Variants in P2RY14 observed in about 807,000 individuals in gnomAD.
The protein encoded by P2RY14 is purinergic receptor P2Y14, also known as P2Y purinoceptor 14.
In P2RY14, 2 loss-of-function variants were observed where a neutral mutation model predicts 0.9. That is an observed-to-expected ratio of 2.16 (90% CI 0.88 to 6.79). The LOEUF (loss-of-function observed/expected upper bound fraction) is 6.79, where lower values mean the gene tolerates loss of function less well. P2RY14 is among the 30% of genes most tolerant of loss of function. The pLI, the probability that P2RY14 is intolerant of heterozygous loss-of-function variation, is 0.05. For missense variants in P2RY14, 378 were observed against 400.1 expected (o/e 0.94, Z 0.47); for synonymous variants, 158 against 147.2 (o/e 1.07, Z -0.53).
At chr3:151,250,568 C>A (rs1035897778) in intron 1 of P2RY14, among the ~76,000 whole-genome samples, 2 of 152,168 alleles carry the variant, frequency 1.3e-5, no homozygotes, top group African/African-American at 4.8e-5. Flanking sequence ...AGCATAATGT[C>A]TTTAAGGTTC....
At chr3:151,230,006 G>A (rs950624695) in intron 1 of P2RY14, among the ~76,000 whole-genome samples, 1 of 152,014 alleles carries the variant, frequency 6.6e-6, no homozygotes, top group Non-Finnish European at 1.5e-5. Context: ...GTCTCGCTCT[G>A]TTGCCCAGGC....
At chr3:151,228,882 T>TGGGGCC (rs1731055657) in intron 1 of P2RY14, among the ~76,000 whole-genome samples, 1 of 152,202 alleles carries the variant, frequency 6.6e-6, no homozygotes, top group African/African-American at 2.4e-5. Context: ...TCCTATTCCC[T>TGGGGCC]GGGGCCAGGC....
chr3:151,264,103 T>TA (rs1216181372), intron 1 of P2RY14, among the ~76,000 whole-genome samples: 1 of 152,236 alleles, frequency 6.6e-6, no homozygotes, highest in African/African-American at 2.4e-5. Flanking sequence ...AAAAGAATCA[T>TA]AACCATTTTT....
intron 1 of P2RY14, among the ~76,000 whole-genome samples, chr3:151,243,913 T>C (rs1375562738): frequency 1.3e-5 from 2 of 148,380 alleles, no homozygotes; most frequent in Non-Finnish European, 3.0e-5. Context: ...AATAAAAGGA[T>C]GGAGGAAGAT....
chr3:151,255,052 G>A (rs994650250), intron 1 of P2RY14, among the ~76,000 whole-genome samples: 2 of 151,924 alleles, frequency 1.3e-5, no homozygotes, highest in African/African-American at 2.4e-5. Flanking sequence ...CATAATAAGC[G>A]AGGCCTTTGC....
chr3:151,234,853 C>G (rs1272793481), intron 1 of P2RY14, among the ~76,000 whole-genome samples: 1 of 152,182 alleles, frequency 6.6e-6, no homozygotes, highest in Non-Finnish European at 1.5e-5. Context: ...CCATCACTCT[C>G]CTGGTGGGTA....
rs375304026 is a variant in P2RY14 at position 151,247,196 on chromosome 3, T to A, written c.-132-27554A>T. Among the ~76,000 whole-genome samples, 21 of 152,150 alleles carry A rather than the reference T, an allele frequency of 1.4e-4. No homozygotes were observed. The South Asian group carries it at 3.9e-3, about 29-fold the overall frequency. ...TAAACTAGTTCAACCATTGTGGAAG[T>A]CAGTGTGGCGATTCCTCAGGGATCT... is the stretch of plus-strand genomic sequence containing the variant. On this transcript the variant is annotated intron_variant, in intron 1 of 2. Coordinates refer to ENST00000309170, the MANE Select transcript of P2RY14 (RefSeq NM_014879.4).
At chr3:151,224,020 C>T (rs1729960593) in intron 1 of P2RY14, among the ~76,000 whole-genome samples, 2 of 152,082 alleles carry the variant, frequency 1.3e-5, no homozygotes, top group South Asian at 4.1e-4. Flanking sequence ...TCAAATATGC[C>T]TAATATTACT....
chr3:151,277,296 G>A (rs535489167), intron 1 of P2RY14, among the ~76,000 whole-genome samples: 1 of 151,700 alleles, frequency 6.6e-6, no homozygotes, highest in South Asian at 2.1e-4. Flanking sequence ...ATGCATGTTT[G>A]TATATATAGT....
chr3:151,245,281 C>T (rs1269255484), intron 1 of P2RY14, among the ~76,000 whole-genome samples: 1 of 152,088 alleles, frequency 6.6e-6, no homozygotes, highest in African/African-American at 2.4e-5. Context: ...AGGCCAGCAT[C>T]ATTCTGATAC....
rs1417059256 is a variant in P2RY14, at chr3:151,212,524, G to C, written c.*776C>G. 6.6e-6 allele frequency: 1 copy of C among 152,004 alleles called. No individual in the cohort carries two copies. Among genetic ancestry groups the C allele is most frequent in the Non-Finnish European group, 1.5e-5 (1 of 68,010 alleles). 9.4% of individuals were successfully genotyped at this position (152,004 alleles called of 1,614,324 possible). A position where few individuals can be genotyped will look rare whatever the true frequency, so the allele number is the denominator to read the frequency against. On this transcript the variant is annotated 3_prime_UTR_variant, in exon 3 of 3. Coordinates refer to ENST00000309170, the MANE Select transcript of P2RY14 (RefSeq NM_014879.4). ...TATTTTTCCCATACTATTGAACAGGGGAAGTTGCTGATAACGTATGCCAAT... is the reference window on the plus strand; with the variant it reads ...TATTTTTCCCATACTATTGAACAGGCGAAGTTGCTGATAACGTATGCCAAT...
At chr3:151,253,929 T>A (rs982224720) in intron 1 of P2RY14, among the ~76,000 whole-genome samples, 1 of 151,834 alleles carries the variant, frequency 6.6e-6, no homozygotes, top group African/African-American at 2.4e-5. Flanking sequence ...CTCCACTACT[T>A]TTTTTTTCTT....
intron 1 of P2RY14, among the ~76,000 whole-genome samples, chr3:151,224,099 AT>A (rs1312620754): frequency 6.6e-6 from 1 of 151,684 alleles, no homozygotes; most frequent in Non-Finnish European, 1.5e-5. Context: ...GTTTTTGTAT[AT>A]TTAAATTATT....
chr3:151,257,811 G>C (rs114392687), intron 1 of P2RY14, among the ~76,000 whole-genome samples: 1 of 152,114 alleles, frequency 6.6e-6, no homozygotes, highest in African/African-American at 2.4e-5. Context: ...TTGTTCAAGT[G>C]TCATGTGGAC....
intron 2 of P2RY14, among the ~76,000 whole-genome samples, chr3:151,214,992 CT>C (rs1384106337): frequency 6.6e-6 from 1 of 151,994 alleles, no homozygotes; most frequent in Non-Finnish European, 1.5e-5. Context: ...ACGGACCTTA[CT>C]TTTAGAAAAG....
rs775758883 is a variant in P2RY14, at chr3:151,213,377, A to G, written c.940T>C (p.Leu314=). Residue 314 remains leucine (L), a synonymous_variant, in exon 3 of 3, where the codon TTA becomes CTA. Coordinates refer to ENST00000309170, the MANE Select transcript of P2RY14 (RefSeq NM_014879.4). ...ATGTCTAGGTCATTCTGAGCTTTTA[A>G]TGGAATGTGCAATTTCTTACATAAG... is the stretch of plus-strand genomic sequence containing the variant. ...EILCKKLHIP[L]KAQNDLDISR... 8.1e-6 allele frequency: 13 copies of G among 1,613,850 alleles called. No homozygotes were observed. The highest frequency in any genetic ancestry group is 1.1e-5 in the South Asian group (1 of 91,072).
chr3:151,260,334 T>C (rs1738623799), intron 1 of P2RY14, among the ~76,000 whole-genome samples: 2 of 152,164 alleles, frequency 1.3e-5, no homozygotes. Context: ...ACTAATATCT[T>C]TTAAAAGCCA....
chr3:151,247,765 A>G (rs1055173365), intron 1 of P2RY14, among the ~76,000 whole-genome samples: 1 of 151,402 alleles, frequency 6.6e-6, no homozygotes, highest in African/African-American at 2.4e-5. Flanking sequence ...GTATAATAAA[A>G]AAAAAAAGCA....
In P2RY14 at chr3:151,223,313, C is replaced by T. The variant is rs561617568; in HGVS notation, c.-132-3671G>A. ...CTCAAAGAACTAAACATAAAATTAC[C>T]ATTTCACCCAGCAATCCCATTACTA... On this transcript the variant is annotated intron_variant, in intron 1 of 2. Transcript: ENST00000309170. Among the ~76,000 whole-genome samples, 299 of 152,068 alleles carry T rather than the reference C, an allele frequency of 2.0e-3. 2 individuals are homozygous for T. The highest frequency in any genetic ancestry group is 7.0e-3 in the African/African-American group (290 of 41,474).
Sources: allele counts gnomAD v4.1 joint callset (sites outside exome capture counted in the v4.1 genomes callset), GRCh38; gene constraint gnomAD v4.1.1; transcripts MANE v1.5; gene names NCBI Gene and HGNC (gene_info 2026-07-23, HGNC 2026-07-21).